The following EPHX3 variants were observed in gnomAD, a reference collection of about 807,000 sequenced individuals.
EPHX3 encodes epoxide hydrolase 3, also known as abhydrolase domain containing 9.
Under a neutral mutation model 40.2 loss-of-function variants are expected in EPHX3, and 39 were observed. That is an observed-to-expected ratio of 0.97 (90% confidence interval 0.75 to 1.27). EPHX3 has a LOEUF of 1.27. Among genes scored for constraint, EPHX3 ranks in the 50% most tolerant of loss-of-function variants. The pLI, the probability that EPHX3 is intolerant of heterozygous loss-of-function variation, is 0.00. For synonymous variants in EPHX3, 213 were observed against 209.7 expected (o/e 1.02, Z -0.14); for missense variants, 442 against 474.0 (o/e 0.93, Z 0.63).
chr19:15,231,927 C>T, intron 1 of EPHX3, 42 bp downstream of exon 1: 1 of 1,612,722 alleles, frequency 6.2e-7, no homozygotes, highest in African/African-American at 1.3e-5. Flanking sequence ...CGTCTCGACC[C>T]CACGCGACCC....
chr19:15,234,358 TC>T (rs1438246477), upstream of EPHX3, among the ~76,000 whole-genome samples: 70 of 151,672 alleles, frequency 4.6e-4, no homozygotes, highest in African/African-American at 1.7e-3. Context: ...TTTAGCTTTT[TC>T]TTTTTTTTTC....
chr19:15,227,722 C>G (rs1210611655), intron 6 of EPHX3, 49 bp downstream of exon 6: 1 of 1,609,926 alleles, frequency 6.2e-7, no homozygotes. Context: ...GCCTCCCACC[C>G]CCCTGCCCCT....
At position 15,227,923 on chromosome 19, in the gene EPHX3, G is replaced by A; in HGVS notation, c.721-16C>T. On this transcript the variant is annotated splice_polypyrimidine_tract_variant and intron_variant, in intron 5 of 6. Coordinates refer to ENST00000221730, the MANE Select transcript of EPHX3 (RefSeq NM_024794.3). ...TCTTCAGAATCTAGGTACACAGCAG[G>A]ACTCTGGCTTCAGTGCCCAGCCTGC... The A allele has an allele frequency of 5.0e-6, 8 of 1,614,028 alleles. No individual in the cohort carries two copies. Among genetic ancestry groups the A allele is most frequent in the Non-Finnish European group, 4.2e-6 (5 of 1,180,012 alleles).
chr19:15,232,063 C>T lies in EPHX3; in HGVS notation c.149G>A (p.Arg50Gln), dbSNP rs776561003. 3 of 1,573,892 alleles carry T rather than the reference C, an allele frequency of 1.9e-6. No homozygotes were observed. In the Admixed American group the frequency reaches 5.4e-5, roughly 28 times the overall value. Residue 50 changes from arginine (R) to glutamine (Q), a missense_variant, in exon 1 of 7, where the codon CGG (arginine) becomes CAG (glutamine). Coordinates refer to ENST00000221730, the MANE Select transcript of EPHX3 (RefSeq NM_024794.3). ...GCIALTHVLC[R>Q]PRRGCCGRRR... ...GCGCCCGCAGCAGCCGCGCCGGGGC[C>T]GGCACAGCACGTGCGTGAGCGCTAT...
Position 15,231,213 on chromosome 19 carries a change from C to T in EPHX3, c.487+26G>A, listed in dbSNP as rs764767555. ...CGTGTGTGCAGGATGAGGGAGGCCA[C>T]GCCTAGGATGGGGGTATGTCTGCAC... On this transcript the variant is annotated intron_variant, in intron 3 of 6. Transcript: ENST00000221730. 2.5e-5 allele frequency: 41 copies of T among 1,613,338 alleles called. No homozygotes were observed. In the Admixed American group the frequency reaches 4.3e-4, roughly 17 times the overall value.
At position 15,227,269 on chromosome 19, in the gene EPHX3, C is replaced by T. The variant is rs1378154184; in HGVS notation, c.*168G>A. 6.4e-6 allele frequency: 4 copies of T among 625,506 alleles called. No individual in the cohort carries two copies. Among genetic ancestry groups the T allele is most frequent in the African/African-American group, 1.8e-5 (1 of 54,686 alleles). 38.7% of individuals were successfully genotyped at this position (625,506 alleles called of 1,614,324 possible). A position where few individuals can be genotyped will look rare whatever the true frequency, so the allele number is the denominator to read the frequency against. ...TGTGAGTATAGGGGTTGGTGTGTCC[C>T]GAGGCACCCATAGGTGCGCTTGTGT... On this transcript the variant is annotated 3_prime_UTR_variant, in exon 7 of 7. Transcript: ENST00000221730.
chr19:15,230,429 C>T (rs1568371900), intron 4 of EPHX3, among the ~76,000 whole-genome samples: 1 of 152,128 alleles, frequency 6.6e-6, no homozygotes, highest in Non-Finnish European at 1.5e-5. Flanking sequence ...CTTTGGCCTC[C>T]CAAAGTGCAG....
Position 15,227,652 on chromosome 19 carries a change from G to T in EPHX3, c.868C>A (p.Leu290Met), listed in dbSNP as rs1204558127. ...GGTGTGGTCAGCTCCTGGGGTTCCA[G>T]GGGGAAGTTCCTGTGGCCAGGACAG... ...YYRNLFRNFP[L>M]EPQELTTPTL... The change falls in exon 7 of 7, where the codon CTG becomes ATG. Residue 290 changes from leucine to methionine, a missense_variant. Coordinates refer to ENST00000221730, the MANE Select transcript of EPHX3 (RefSeq NM_024794.3). The T allele has an allele frequency of 6.2e-7, 1 of 1,613,894 alleles. No homozygotes were observed. The highest frequency in any genetic ancestry group is 1.3e-5 in the African/African-American group (1 of 74,918).
At chr19:15,231,945 C>T (rs756227166) in intron 1 of EPHX3, 24 bp downstream of exon 1, 4 of 1,612,638 alleles carry the variant, frequency 2.5e-6, no homozygotes, top group Non-Finnish European at 2.5e-6. Context: ...CCCCGCAGCC[C>T]CGATAGCGCC....
In EPHX3 at chr19:15,232,424, C is replaced by A. The variant is rs1037028985; in HGVS notation, c.-213G>T. 2 of 1,342,546 alleles carry A rather than the reference C, an allele frequency of 1.5e-6. No individual in the cohort carries two copies. The highest frequency in any genetic ancestry group is 2.8e-4 in the Middle Eastern group (1 of 3,612). 83.2% of individuals were successfully genotyped at this position (1,342,546 alleles called of 1,614,324 possible). The stretch of plus-strand genomic sequence containing the variant: ...CCTGAGTGCCAGGTAAACACCTGGG[C>A]GCGACAGGGACAGGAAACAAGGGTA... On this transcript the variant is annotated 5_prime_UTR_variant, in exon 1 of 7. Coordinates refer to ENST00000221730, the MANE Select transcript of EPHX3 (RefSeq NM_024794.3).
chr19:15,231,038 C>T lies in EPHX3; in HGVS notation c.540G>A (p.Trp180Ter), dbSNP rs764473957. 4 of 1,614,082 alleles carry T rather than the reference C, an allele frequency of 2.5e-6. No individual in the cohort carries two copies. The highest frequency in any genetic ancestry group is 2.5e-6 in the Non-Finnish European group (3 of 1,180,032). ...GGGATGGGTAGTAGATGGAGAAATG[C>T]CAGGCAAGGAGGGCACCCCAGTCAT... is the stretch of plus-strand genomic sequence containing the variant. ...VAHDWGALLA[W>*]HFSIYYPSLV... is the part of the protein sequence containing the mutation. Residue 180 changes from tryptophan to a stop codon, truncating the protein, a stop_gained, in exon 4 of 7, where the codon TGG becomes TGA. Transcript: ENST00000221730. LOFTEE classifies it high-confidence loss of function.
chr19:15,227,436 A>C lies in EPHX3; in HGVS notation c.*1T>G. On this transcript the variant is annotated 3_prime_UTR_variant, in exon 7 of 7. Coordinates refer to ENST00000221730, the MANE Select transcript of EPHX3 (RefSeq NM_024794.3). ...CCTCCTGGGCAGGCCAGCAAGGACC[A>C]CTAGTCCAGCAGGTCTTGCAAGAAG... is the stretch of plus-strand genomic sequence containing the variant. The C allele has an allele frequency of 6.2e-7, 1 of 1,613,282 alleles. No individual in the cohort carries two copies. The highest frequency in any genetic ancestry group is 1.1e-5 in the South Asian group (1 of 91,056).
At position 15,227,666 on chromosome 19, in the gene EPHX3, T is replaced by A; in HGVS notation, c.858-4A>T. ...CTGGGGTTCCAGGGGGAAGTTCCTG[T>A]GGCCAGGACAGACAGACAGGCAGAC... is the stretch of plus-strand genomic sequence containing the variant. On this transcript the variant is annotated splice_polypyrimidine_tract_variant and splice_region_variant and intron_variant, in intron 6 of 6. Transcript: ENST00000221730. 1 of 1,613,540 alleles carries A rather than the reference T, an allele frequency of 6.2e-7. No homozygotes were observed.
At chr19:15,230,090 G>C (rs537050139) in intron 4 of EPHX3, among the ~76,000 whole-genome samples, 1 of 151,696 alleles carries the variant, frequency 6.6e-6, no homozygotes, top group Non-Finnish European at 1.5e-5. Flanking sequence ...GCCTTAAGTA[G>C]GTTACTGTGT....
chr19:15,227,800 C>T lies in EPHX3; in HGVS notation c.828G>A (p.Gly276=), dbSNP rs2037611788. ...AGAGGTTTCGGTAGTAGTTGAGGGG[C>T]CCAGTGAGGCCACCAGGCTGTGAGA... The part of the protein sequence containing the change: ...YNFSQPGGLT[G]PLNYYRNLFR... The change falls in exon 6 of 7, where the codon GGG becomes GGA. Residue 276 remains glycine (G), a synonymous_variant. Transcript: ENST00000221730. 1.2e-6 allele frequency: 2 copies of T among 1,613,650 alleles called. No individual in the cohort carries two copies. The highest frequency in any genetic ancestry group is 1.7e-6 in the Non-Finnish European group (2 of 1,179,940).
In EPHX3 at chr19:15,227,547, C is replaced by T. The variant is rs749465430; in HGVS notation, c.973G>A (p.Gly325Ser). ...VEAIGSRFVPGRLEAHILPGI... is the reference protein window; with the variant it reads ...VEAIGSRFVPSRLEAHILPGI... ...GGCAGGATGTGGGCCTCCAAGCGGC[C>T]CGGCACAAAGCGGCTGCCGATGGCT... The change falls in exon 7 of 7, where the codon GGC becomes AGC. Residue 325 changes from glycine to serine, a missense_variant. By Grantham distance (56) the Gly-to-Ser change is moderately conservative. Coordinates refer to ENST00000221730, the MANE Select transcript of EPHX3 (RefSeq NM_024794.3). The T allele has an allele frequency of 6.2e-7, 1 of 1,614,054 alleles. No homozygotes were observed. The highest frequency in any genetic ancestry group is 1.7e-5 in the Admixed American group (1 of 60,004).
At position 15,227,590 on chromosome 19, in the gene EPHX3, C is replaced by A. The variant is rs200701074; in HGVS notation, c.930G>T (p.Leu310Phe). The A allele has an allele frequency of 1.5e-5, 24 of 1,614,112 alleles. No homozygotes were observed. The East Asian group carries it at 4.9e-4, about 33-fold the overall frequency. The change falls in exon 7 of 7, where the codon TTG (leucine) becomes TTT (phenylalanine). Residue 310 changes from leucine to phenylalanine, a missense_variant. Coordinates refer to ENST00000221730, the MANE Select transcript of EPHX3 (RefSeq NM_024794.3). ...LLLWGEKDTY[L>F]ELGLVEAIGS... ...CGATGGCTTCCACCAGCCCCAGCTC[C>A]AAGTAAGTGTCCTTCTCCCCCCACA...
intron 4 of EPHX3, among the ~76,000 whole-genome samples, chr19:15,228,503 ATTTTTTTTTTTTTTTTTTTT>A (rs780716729): frequency 1.6e-5 from 1 of 62,700 alleles, no homozygotes; most frequent in Non-Finnish European, 2.7e-5. Context: ...TGTATCTATA[ATTTTTTTTTTTTTTTTTTTT>A]TTTTTTTTTT....
Position 15,230,896 on chromosome 19 carries a change from C to T in EPHX3, c.616+66G>A, listed in dbSNP as rs933711492. The T allele has an allele frequency of 2.3e-5, 37 of 1,585,404 alleles. No homozygotes were observed. The Middle Eastern group carries it at 5.0e-4, about 22-fold the overall frequency. ...TGACAGGTATACAGAGAATTGAAAACACAGACACATGTCCCTGCCCCCTTG... is the reference window on the plus strand; with the variant it reads ...TGACAGGTATACAGAGAATTGAAAATACAGACACATGTCCCTGCCCCCTTG... On this transcript the variant is annotated intron_variant, in intron 4 of 6. Coordinates refer to ENST00000221730, the MANE Select transcript of EPHX3 (RefSeq NM_024794.3).
Sources: allele counts gnomAD v4.1 joint callset (sites outside exome capture counted in the v4.1 genomes callset), GRCh38; gene constraint gnomAD v4.1.1; transcripts MANE v1.5; gene names NCBI Gene and HGNC (gene_info 2026-07-23, HGNC 2026-07-21).